Variants in DTD1 observed in about 807,000 individuals in gnomAD.
The protein encoded by DTD1 is D-aminoacyl-tRNA deacylase 1, also known as D-tyrosyl-tRNA deacylase 1 homolog.
DTD1 carries 13 observed loss-of-function variants against 25.6 expected under a neutral mutation model. That is an observed-to-expected ratio of 0.51 (90% CI 0.33 to 0.81). The LOEUF is 0.81. Among genes scored for constraint, DTD1 ranks in the 30% least tolerant of loss-of-function variants. The pLI is 0.02. For synonymous variants in DTD1, 110 were observed against 103.6 expected (o/e 1.06, Z -0.37); for missense variants, 193 against 266.4 (o/e 0.72, Z 1.92).
At chr20:18,605,004 C>T (rs1251260316) in intron 3 of DTD1, among the ~76,000 whole-genome samples, 298 of 37,164 alleles carry the variant, frequency 8.0e-3, no homozygotes, top group Non-Finnish European at 0.013. Flanking sequence ...TTGCAGATGA[C>T]ATGATTGTAT....
intron 3 of DTD1, among the ~76,000 whole-genome samples, chr20:18,607,451 GC>G (rs2122269095): frequency 6.6e-6 from 1 of 152,090 alleles, no homozygotes; most frequent in African/African-American, 2.4e-5. Flanking sequence ...GAGCCACTGC[GC>G]CCGGCTCTTG....
chr20:18,623,903 TGTG>T (rs754881498), intron 3 of DTD1, among the ~76,000 whole-genome samples: 7,973 of 151,816 alleles, frequency 0.053, 277 homozygotes, highest in South Asian at 0.095. Context: ...TGTGTGTGTG[TGTG>T]TAGAGACAGA....
chr20:18,710,765 T>C (rs2061155368), intron 4 of DTD1, among the ~76,000 whole-genome samples: 2 of 152,146 alleles, frequency 1.3e-5, no homozygotes, highest in Admixed American at 1.3e-4. Context: ...ACCAATGTAA[T>C]TGGACGGTGA....
At chr20:18,630,305 A>G (rs1204675544) in intron 4 of DTD1, 2 of 152,092 alleles carry the variant, frequency 1.3e-5, no homozygotes, top group Non-Finnish European at 2.9e-5. Flanking sequence ...ATGTTGATAT[A>G]GTACTATTAT....
intron 3 of DTD1, among the ~76,000 whole-genome samples, chr20:18,624,771 T>A (rs1192767718): frequency 1.3e-5 from 2 of 152,172 alleles, no homozygotes; most frequent in African/African-American, 4.8e-5. Flanking sequence ...ATCAGGGAGC[T>A]CCTTGCCTTG....
chr20:18,763,509 G>A lies in DTD1; in HGVS notation c.*169G>A, dbSNP rs1221740835. On this transcript the variant is annotated 3_prime_UTR_variant, in exon 6 of 6. Coordinates refer to ENST00000377452, the MANE Select transcript of DTD1 (RefSeq NM_080820.6). ...GCTCTGCAAAAAACACCAAAGGACC[G>A]TTTTATCGTTTTCTGTTGTTGCTGT... 1 of 152,674 alleles carries A rather than the reference G, an allele frequency of 6.5e-6. No homozygotes were observed. Among genetic ancestry groups the A allele is most frequent in the Non-Finnish European group, 1.5e-5 (1 of 68,030 alleles). 9.5% of individuals were successfully genotyped at this position (152,674 alleles called of 1,614,324 possible).
intron 3 of DTD1, among the ~76,000 whole-genome samples, chr20:18,618,132 C>T (rs555797688): frequency 9.5e-4 from 144 of 152,212 alleles, no homozygotes; most frequent in African/African-American, 3.0e-3. Flanking sequence ...GCCAGATGGC[C>T]GTTTGTAGGC....
intron 4 of DTD1, among the ~76,000 whole-genome samples, chr20:18,696,241 C>G (rs1050520463): frequency 6.6e-6 from 1 of 152,048 alleles, no homozygotes; most frequent in African/African-American, 2.4e-5. Context: ...TGTGCGTATT[C>G]CCCCACCTCT....
At chr20:18,712,151 T>G (rs900227049) in intron 4 of DTD1, among the ~76,000 whole-genome samples, 6 of 152,176 alleles carry the variant, frequency 3.9e-5, no homozygotes, top group Admixed American at 3.3e-4. Flanking sequence ...CTTAGAGTAC[T>G]TAGGGACTCT....
intron 4 of DTD1, among the ~76,000 whole-genome samples, chr20:18,721,869 C>CT (rs1555802831): frequency 9.9e-5 from 15 of 151,894 alleles, no homozygotes; most frequent in Non-Finnish European, 1.9e-4. Context: ...TCCAGCCCTG[C>CT]GCTCTGTCCT....
intron 5 of DTD1, among the ~76,000 whole-genome samples, chr20:18,746,083 G>A (rs779657757): frequency 4.6e-5 from 7 of 152,190 alleles, no homozygotes; most frequent in African/African-American, 1.2e-4. Context: ...GATGAGGGAG[G>A]AAGATGGGGG....
At chr20:18,591,641 A>G (rs1184030810) in intron 1 of DTD1, among the ~76,000 whole-genome samples, 1 of 152,212 alleles carries the variant, frequency 6.6e-6, no homozygotes, top group Non-Finnish European at 1.5e-5. Context: ...CATGTTTCTC[A>G]TATTTTCTAA....
chr20:18,708,547 G>C (rs571412023), intron 4 of DTD1, among the ~76,000 whole-genome samples: 42 of 149,594 alleles, frequency 2.8e-4, no homozygotes, highest in Non-Finnish European at 5.3e-4. Flanking sequence ...GTAGAGATGG[G>C]GTTTCACCGT....
At chr20:18,754,440 C>T (rs944841539) in intron 5 of DTD1, among the ~76,000 whole-genome samples, 2 of 152,210 alleles carry the variant, frequency 1.3e-5, no homozygotes, top group African/African-American at 2.4e-5. Flanking sequence ...GTCATGTCTG[C>T]CCTCAGTAGC....
chr20:18,715,974 G>T (rs1158023497), intron 4 of DTD1, among the ~76,000 whole-genome samples: 2 of 152,160 alleles, frequency 1.3e-5, no homozygotes, highest in African/African-American at 4.8e-5. Flanking sequence ...CAAATTGAGT[G>T]ATTTGAGGTT....
chr20:18,606,553 A>G (rs2060659234), intron 3 of DTD1, among the ~76,000 whole-genome samples: 1 of 99,374 alleles, frequency 1.0e-5, no homozygotes, highest in African/African-American at 3.7e-5. Flanking sequence ...GATAGACTGG[A>G]TTAAGAAAAT....
At chr20:18,673,548 G>C (rs978730348) in intron 4 of DTD1, among the ~76,000 whole-genome samples, 2 of 152,102 alleles carry the variant, frequency 1.3e-5, no homozygotes, top group African/African-American at 4.8e-5. Context: ...AAAAATAAAA[G>C]TACAGTTTCT....
intron 4 of DTD1, chr20:18,675,004 G>A (rs2060964745): frequency 6.6e-6 from 1 of 152,246 alleles, no homozygotes; most frequent in South Asian, 2.1e-4. Flanking sequence ...CAGGAATTTG[G>A]ACCATTGAGC....
chr20:18,632,600 C>G (rs1417635872), intron 4 of DTD1: 1 of 984,434 alleles, frequency 1.0e-6, no homozygotes, highest in African/African-American at 1.7e-5. Flanking sequence ...GCTTTTAATT[C>G]TCAGTGTTTT....
Sources: allele counts gnomAD v4.1 joint callset (sites outside exome capture counted in the v4.1 genomes callset), GRCh38; gene constraint gnomAD v4.1.1; transcripts MANE v1.5; gene names NCBI Gene and HGNC (gene_info 2026-07-23, HGNC 2026-07-21).